The following AGPAT3 variants were observed in gnomAD, a reference collection of about 807,000 sequenced individuals.
AGPAT3 encodes 1-acylglycerol-3-phosphate O-acyltransferase 3, also known as 1-acyl-sn-glycerol-3-phosphate acyltransferase gamma.
AGPAT3 carries 5 observed loss-of-function variants against 47.3 expected under a neutral mutation model. That is an observed-to-expected ratio of 0.11 (90% CI 0.06 to 0.22). The LOEUF (loss-of-function observed/expected upper bound fraction) is 0.22, where lower values mean the gene tolerates loss of function less well. AGPAT3 is among the 10% of genes least tolerant of loss of function. AGPAT3 has a pLI of 1.00. For synonymous variants in AGPAT3, 212 were observed against 208.3 expected (o/e 1.02, Z -0.15); for missense variants, 315 against 493.0 (o/e 0.64, Z 3.42).
chr21:43,931,670 C>A (rs551688713), intron 2 of AGPAT3, among the ~76,000 whole-genome samples: 2 of 152,242 alleles, frequency 1.3e-5, no homozygotes, highest in African/African-American at 4.8e-5. Flanking sequence ...CTTTGATTGA[C>A]ACTGAGCATC....
intron 8 of AGPAT3, 70 bp from the exon 9 acceptor site, chr21:43,980,919 C>T: frequency 8.2e-7 from 1 of 1,220,350 alleles, no homozygotes; most frequent in Admixed American, 1.9e-5. Flanking sequence ...TGCCAACAAT[C>T]TTCTCCTGCA....
At chr21:43,941,097 G>T (rs563725871) in intron 2 of AGPAT3, among the ~76,000 whole-genome samples, 1 of 152,318 alleles carries the variant, frequency 6.6e-6, no homozygotes, top group East Asian at 1.9e-4. Flanking sequence ...TGGTGCAGGG[G>T]GCAGCTGGGG....
At chr21:43,886,402 T>C (rs1021788669) in intron 1 of AGPAT3, among the ~76,000 whole-genome samples, 6 of 152,062 alleles carry the variant, frequency 3.9e-5, no homozygotes, top group Non-Finnish European at 7.4e-5. Flanking sequence ...TACAGCCATA[T>C]GCTATCATGC....
chr21:43,917,839 T>C (rs1488957630), intron 2 of AGPAT3, among the ~76,000 whole-genome samples: 1 of 56,978 alleles, frequency 1.8e-5, no homozygotes, highest in Non-Finnish European at 3.3e-5. Context: ...TTGTGGGTGT[T>C]GTGTTGTGGG....
At chr21:43,876,047 C>T (rs571184374) in intron 1 of AGPAT3, among the ~76,000 whole-genome samples, 6 of 152,204 alleles carry the variant, frequency 3.9e-5, no homozygotes, top group Admixed American at 1.3e-4. Context: ...CCTCAGCCTC[C>T]CAAGTGCTGG....
At chr21:43,937,409 G>A (rs1316254306) in intron 2 of AGPAT3, among the ~76,000 whole-genome samples, 1 of 152,216 alleles carries the variant, frequency 6.6e-6, no homozygotes, top group African/African-American at 2.4e-5. Context: ...AGGCGCGCAA[G>A]GCCCCTGACT....
At chr21:43,949,949 A>T (rs1285643185) in intron 2 of AGPAT3, among the ~76,000 whole-genome samples, 1 of 152,210 alleles carries the variant, frequency 6.6e-6, no homozygotes, top group African/African-American at 2.4e-5. Context: ...GCAAACTTGC[A>T]TCCTACTTGC....
At position 43,985,379 on chromosome 21, in the gene AGPAT3, AAGC is replaced by A. The variant is rs2030173357; in HGVS notation, c.*2992_*2994del. ...ACTAAATAACACAAAACAACAATGT[AAGC>A]AGCACTTTCTTGTGTAAAAAAAAAA... On this transcript the variant is annotated 3_prime_UTR_variant, in exon 10 of 10. Transcript: ENST00000291572. 1 of 332,396 alleles carries A rather than the reference AAGC, an allele frequency of 3.0e-6. No individual in the cohort carries two copies. Among genetic ancestry groups the A allele is most frequent in the African/African-American group, 2.2e-5 (1 of 45,810 alleles). The allele number at this position is 332,396 out of a possible 1,614,324, so 20.6% of individuals were successfully genotyped here.
rs1388033091 is a variant in AGPAT3 at position 43,986,848 on chromosome 21, T to C, written c.*4456T>C. Among the ~76,000 whole-genome samples, 1 of 152,252 alleles carries C rather than the reference T, an allele frequency of 6.6e-6. No homozygotes were observed. The highest frequency in any genetic ancestry group is 2.4e-5 in the African/African-American group (1 of 41,460). ...TATACGGATGTTTCCTTTTGTACAC[T>C]TCATTTTTACAAGTTTTGCTACTCA... On this transcript the variant is annotated 3_prime_UTR_variant, in exon 10 of 10. Coordinates refer to ENST00000291572, the MANE Select transcript of AGPAT3 (RefSeq NM_020132.5).
At chr21:43,961,357 T>C (rs1015033349) in intron 3 of AGPAT3, among the ~76,000 whole-genome samples, 3 of 150,698 alleles carry the variant, frequency 2.0e-5, no homozygotes, top group South Asian at 2.2e-4. Flanking sequence ...GGTAAGCGCG[T>C]AGACACTTTG....
At chr21:43,958,518 G>T (rs373688987) in intron 2 of AGPAT3, among the ~76,000 whole-genome samples, 2 of 151,536 alleles carry the variant, frequency 1.3e-5, no homozygotes, top group African/African-American at 4.9e-5. Flanking sequence ...CGTGTGTGTC[G>T]TTTTTGGTGT....
chr21:43,961,009 A>G (rs2088806034), intron 3 of AGPAT3, among the ~76,000 whole-genome samples: 1 of 152,024 alleles, frequency 6.6e-6, no homozygotes, highest in Non-Finnish European at 1.5e-5. Flanking sequence ...GCATGGTGGT[A>G]CACACCTGTA....
intron 2 of AGPAT3, among the ~76,000 whole-genome samples, chr21:43,935,682 G>C (rs563913316): frequency 3.3e-5 from 5 of 152,322 alleles, no homozygotes; most frequent in Non-Finnish European, 5.9e-5. Flanking sequence ...ATTCAGACAT[G>C]GAAAGGGAAC....
At chr21:43,951,615 G>T (rs1236251324) in intron 2 of AGPAT3, among the ~76,000 whole-genome samples, 1 of 152,222 alleles carries the variant, frequency 6.6e-6, no homozygotes, top group South Asian at 2.1e-4. Context: ...GCCAGCTGGG[G>T]TGGGCACTCT....
At position 43,926,756 on chromosome 21, in the gene AGPAT3, T is replaced by C. The variant is rs547343063; in HGVS notation, c.-49+22737T>C. Among the ~76,000 whole-genome samples, 9 of 147,566 alleles carry C rather than the reference T, an allele frequency of 6.1e-5. No individual in the cohort carries two copies. The East Asian group carries it at 1.8e-3, about 30-fold the overall frequency. On this transcript the variant is annotated intron_variant, in intron 2 of 9. Coordinates refer to ENST00000291572, the MANE Select transcript of AGPAT3 (RefSeq NM_020132.5). ...GGGTGGATCACTTGAGGTCAGGAGT[T>C]CAAGACCAGCCTGGCCAACCTGGCA...
intron 1 of AGPAT3, among the ~76,000 whole-genome samples, chr21:43,870,028 CACAAAA>C (rs1429293652): frequency 1.3e-5 from 2 of 152,136 alleles, no homozygotes; most frequent in Admixed American, 1.3e-4. Context: ...TTTGATAATC[CACAAAA>C]ACAAAAGGAA....
At position 43,890,472 on chromosome 21, in the gene AGPAT3, G is replaced by T. The variant is rs146366451; in HGVS notation, c.-111-13485G>T. ...CTATTGCCCAGGCTGGAGTGCAGTGGTGTGATCTCTGTTCACTGTAGTCTT... is the reference window on the plus strand; with the variant it reads ...CTATTGCCCAGGCTGGAGTGCAGTGTTGTGATCTCTGTTCACTGTAGTCTT... On this transcript the variant is annotated intron_variant, in intron 1 of 9. Transcript: ENST00000291572. Among the ~76,000 whole-genome samples the T allele has an allele frequency of 6.5e-3, 993 of 151,940 alleles. 11 individuals carry two copies. The highest frequency in any genetic ancestry group is 0.023 in the African/African-American group (957 of 41,422).
At chr21:43,957,822 C>T (rs565490993) in intron 2 of AGPAT3, among the ~76,000 whole-genome samples, 20 of 152,066 alleles carry the variant, frequency 1.3e-4, no homozygotes, top group African/African-American at 4.3e-4. Context: ...ACTGGGGTCT[C>T]GGGTTTCCCC....
chr21:43,955,151 TGGGTGCTGTCCCG>T lies in AGPAT3; in HGVS notation c.-48-4479_-48-4467del, dbSNP rs908825732. On this transcript the variant is annotated intron_variant, in intron 2 of 9. Coordinates refer to ENST00000291572, the MANE Select transcript of AGPAT3 (RefSeq NM_020132.5). The surrounding 1 kb of genome is among the most constrained non-coding windows in gnomAD (Gnocchi z 4.1). ...TCACTCAGCAGCCACGGATGCGCCC[TGGGTGCTGTCCCG>T]GGGCCGTCTCAGAAGCACCGCGCTG... 1 of 1,277,542 alleles carries T rather than the reference TGGGTGCTGTCCCG, an allele frequency of 7.8e-7. No individual in the cohort carries two copies. The highest frequency in any genetic ancestry group is 1.5e-5 in the African/African-American group (1 of 65,524). The allele number at this position is 1,277,542 out of a possible 1,614,324, so 79.1% of individuals were successfully genotyped here.
Sources: gnomAD v4.1 joint callset for allele counts (sites outside exome capture counted in the v4.1 genomes callset) on GRCh38, gnomAD v4.1.1 for gene constraint, Gnocchi (gnomAD v3.1) non-coding constraint, MANE v1.5 for transcripts, NCBI Gene and HGNC (gene_info 2026-07-23, HGNC 2026-07-21) for gene names.